Variants in CDK13 observed in about 807,000 individuals in gnomAD.
CDK13 encodes cyclin dependent kinase 13, also known as cyclin-dependent kinase 13.
A neutral mutation model predicts 137.6 loss-of-function variants in CDK13; 40 were observed. That is an observed-to-expected ratio of 0.29 (90% CI 0.23 to 0.38). CDK13 has a LOEUF of 0.38. CDK13 is among the 10% of genes least tolerant of loss of function. The pLI is 1.00. For missense variants in CDK13, 1,704 were observed against 1,951.8 expected, an observed-to-expected ratio of 0.87 and a Z score of 2.39; for synonymous variants, 869 against 760.1, an observed-to-expected ratio of 1.14 and a Z score of -2.36.
At chr7:39,985,794 T>A (rs1446705421) in intron 1 of CDK13, 1 of 152,188 alleles carries the variant, frequency 6.6e-6, no homozygotes, top group Non-Finnish European at 1.5e-5. Context: ...AGGGAACCCA[T>A]AAGGCATGTT....
At chr7:40,086,503 A>C (rs951863214) in intron 11 of CDK13, among the ~76,000 whole-genome samples, 1 of 152,212 alleles carries the variant, frequency 6.6e-6, no homozygotes, top group Admixed American at 6.5e-5. Context: ...TAAATACTTA[A>C]TTAGGGTAAG....
chr7:40,069,701 GTTATT>G (rs1476161708), intron 9 of CDK13: 3 of 153,218 alleles, frequency 2.0e-5, no homozygotes, highest in East Asian at 1.9e-4. Flanking sequence ...TAGTGAATGA[GTTATT>G]TTATTTATAA....
rs760696402 is a variant in CDK13, at chr7:39,988,255, A to G, written c.1868A>G (p.Asp623Gly). The G allele has an allele frequency of 1.3e-6, 2 of 1,590,456 alleles. No individual in the cohort carries two copies. Among genetic ancestry groups the G allele is most frequent in the Admixed American group, 1.9e-5 (1 of 52,908 alleles). The change falls in exon 2 of 14, where the codon GAT becomes GGT. Residue 623 changes from aspartate to glycine, a missense_variant. Asp to Gly is a moderately conservative substitution (Grantham distance 94). Transcript: ENST00000181839. ...ATGCTGCCTGAAGATAAAGAAGCTGATAGGTAAGTGCAAAAAGTATTTGTC... is the reference window on the plus strand; with the variant it reads ...ATGCTGCCTGAAGATAAAGAAGCTGGTAGGTAAGTGCAAAAAGTATTTGTC... ...PPMLPEDKEA[D>G]SLRGNISVKA...
chr7:40,044,947 C>T lies in CDK13; in HGVS notation c.2354-889C>T, dbSNP rs191141391. ...CACTGGCAATTTTTGTTTTTAATCTCATACATAATATCTAGCCTTTCCTAT... is the reference window on the plus strand; with the variant it reads ...CACTGGCAATTTTTGTTTTTAATCTTATACATAATATCTAGCCTTTCCTAT... On this transcript the variant is annotated intron_variant, in intron 5 of 13. Transcript: ENST00000181839. Among the ~76,000 whole-genome samples, 29 of 152,152 alleles carry T rather than the reference C, an allele frequency of 1.9e-4. No individual in the cohort carries two copies. The East Asian group carries it at 5.4e-3, about 28-fold the overall frequency.
chr7:40,017,610 TA>T (rs1322342752), intron 5 of CDK13, among the ~76,000 whole-genome samples: 1 of 152,084 alleles, frequency 6.6e-6, no homozygotes, highest in African/African-American at 2.4e-5. Context: ...AGAGAGATAC[TA>T]AAATACAGAT....
chr7:40,069,239 A>C, intron 9 of CDK13: 1 of 435,670 alleles, frequency 2.3e-6, no homozygotes, highest in Non-Finnish European at 4.6e-6. Context: ...TGTCTCAAAA[A>C]AACAGAAATA....
intron 1 of CDK13, 49 bp from the exon 2 acceptor site, chr7:39,987,550 A>G (rs1332370013): frequency 6.9e-7 from 1 of 1,455,344 alleles, no homozygotes; most frequent in Non-Finnish European, 9.2e-7. Flanking sequence ...GTAAATTCCA[A>G]ACTGAACCTT....
intron 5 of CDK13, among the ~76,000 whole-genome samples, chr7:40,027,647 C>T (rs1013796442): frequency 3.3e-5 from 5 of 149,534 alleles, no homozygotes; most frequent in African/African-American, 1.2e-4. Context: ...TTCTATAACA[C>T]CCTTGGGCTT....
chr7:40,004,588 C>T (rs540382334), intron 5 of CDK13, among the ~76,000 whole-genome samples: 2 of 152,182 alleles, frequency 1.3e-5, no homozygotes, highest in Non-Finnish European at 2.9e-5. Flanking sequence ...TAATCCTGAG[C>T]ATGCTAGCTG....
At position 39,987,594 on chromosome 7, in the gene CDK13, A is replaced by G. The variant is rs774483135; in HGVS notation, c.1212-5A>G. 3.2e-6 allele frequency: 5 copies of G among 1,575,276 alleles called. No homozygotes were observed. Among genetic ancestry groups the G allele is most frequent in the East Asian group, 2.2e-5 (1 of 44,510 alleles). On this transcript the variant is annotated splice_region_variant and splice_polypyrimidine_tract_variant and intron_variant, in intron 1 of 13. Transcript: ENST00000181839. ...ACTGATTAAATCTTAATTATTTCTC[A>G]CCAGACGGTCTGGAAAATCCCGAAG...
At chr7:40,023,004 C>T (rs923106931) in intron 5 of CDK13, among the ~76,000 whole-genome samples, 3 of 151,616 alleles carry the variant, frequency 2.0e-5, no homozygotes, top group Admixed American at 1.3e-4. Context: ...ACAGTCAGAA[C>T]TGTTAAATCT....
chr7:40,034,371 T>G (rs377184527), intron 5 of CDK13, among the ~76,000 whole-genome samples: 234 of 152,356 alleles, frequency 1.5e-3, no homozygotes, highest in African/African-American at 5.6e-3. Context: ...TTTTCACCTT[T>G]GCTTTTCTTT....
intron 1 of CDK13, among the ~76,000 whole-genome samples, chr7:39,963,422 G>T (rs1220668481): frequency 8.7e-5 from 12 of 137,460 alleles, no homozygotes; most frequent in Middle Eastern, 4.1e-3. Context: ...TTGGCTCTCT[G>T]TTTGTCTGTT....
intron 7 of CDK13, among the ~76,000 whole-genome samples, chr7:40,052,418 C>G (rs561698976): frequency 6.6e-6 from 1 of 152,334 alleles, no homozygotes; most frequent in East Asian, 1.9e-4. Flanking sequence ...CTCAAGTGAT[C>G]TACCCACCTC....
Position 40,088,107 on chromosome 7 carries a change from A to G in CDK13, c.3030-19A>G, listed in dbSNP as rs372912903. On this transcript the variant is annotated intron_variant, in intron 11 of 13. Coordinates refer to ENST00000181839, the MANE Select transcript of CDK13 (RefSeq NM_003718.5). Reference sequence around the variant, plus strand: ...GTTAAGAAATGCCATTTACAATTTAATTCCTTTTTTTTTTTCAGTCTCCCT... The same window carrying G: ...GTTAAGAAATGCCATTTACAATTTAGTTCCTTTTTTTTTTTCAGTCTCCCT... 166 of 1,595,724 alleles carry G rather than the reference A, an allele frequency of 1.0e-4. No individual in the cohort carries two copies. The highest frequency in any genetic ancestry group is 1.3e-4 in the Non-Finnish European group (150 of 1,168,520).
chr7:40,069,468 G>GT (rs1178319999), intron 9 of CDK13: 6 of 300,068 alleles, frequency 2.0e-5, no homozygotes, highest in Admixed American at 3.9e-5. Context: ...ATGCTCTTAA[G>GT]TTTTTTTCTT....
Position 40,097,286 on chromosome 7 carries a change from C to G in CDK13, c.*2306C>G, listed in dbSNP as rs1787068637. 1 of 151,966 alleles carries G rather than the reference C, an allele frequency of 6.6e-6. No homozygotes were observed. The highest frequency in any genetic ancestry group is 1.5e-5 in the Non-Finnish European group (1 of 67,942). The allele number at this position is 151,966 out of a possible 1,614,324, so 9.4% of individuals were successfully genotyped here. On this transcript the variant is annotated 3_prime_UTR_variant, in exon 14 of 14. Coordinates refer to ENST00000181839, the MANE Select transcript of CDK13 (RefSeq NM_003718.5). ...TTACACAGCACTACTGTGAGACATA[C>G]TAGTCTTTTATATGTCACTTAGAAG...
At position 40,079,262 on chromosome 7, in the gene CDK13, T is replaced by G. The variant is rs574760638; in HGVS notation, c.3029+411T>G. Among the ~76,000 whole-genome samples the G allele has an allele frequency of 1.9e-4, 29 of 152,234 alleles. No individual in the cohort carries two copies. In the East Asian group the frequency reaches 5.2e-3, roughly 27 times the overall value. ...GGCAAAACCCCGTCTCTACTAAAAT[T>G]ACAAAAATTAGCCAGACGTGGTGGC... On this transcript the variant is annotated intron_variant, in intron 11 of 13. Coordinates refer to ENST00000181839, the MANE Select transcript of CDK13 (RefSeq NM_003718.5).
chr7:39,977,114 A>G (rs969607333), intron 1 of CDK13, among the ~76,000 whole-genome samples: 1 of 152,212 alleles, frequency 6.6e-6, no homozygotes, highest in Non-Finnish European at 1.5e-5. Flanking sequence ...AGGCTTTATG[A>G]AGTCCTTTAT....
Sources: gnomAD v4.1 joint callset for allele counts (sites outside exome capture counted in the v4.1 genomes callset) on GRCh38, gnomAD v4.1.1 for gene constraint, MANE v1.5 for transcripts, NCBI Gene and HGNC (gene_info 2026-07-23, HGNC 2026-07-21) for gene names.